AUTS2: variants seen among roughly 807,000 people sequenced by gnomAD.
The protein encoded by AUTS2 is activator of transcription and developmental regulator AUTS2, also known as autism susceptibility gene 2 protein.
AUTS2 carries 17 observed loss-of-function variants against 112.4 expected under a neutral mutation model. The observed-to-expected ratio is 0.15, with a 90% CI of 0.10 to 0.23. AUTS2 has a LOEUF of 0.23. Ranked by LOEUF, AUTS2 falls within the 10% of genes least tolerant of loss-of-function variation. AUTS2 has a pLI of 1.00. For missense variants in AUTS2, 1,510 were observed against 1,701.6 expected, an observed-to-expected ratio of 0.89 and a Z score of 1.98; for synonymous variants, 751 against 702.7, an observed-to-expected ratio of 1.07 and a Z score of -1.09.
intron 1 of AUTS2, among the ~76,000 whole-genome samples, chr7:69,789,321 G>A (rs1390786314): frequency 1.3e-5 from 2 of 152,208 alleles, no homozygotes; most frequent in East Asian, 3.8e-4. Context: ...ATCTCTGATG[G>A]TGAGCCCCAA....
intron 2 of AUTS2, among the ~76,000 whole-genome samples, chr7:69,969,963 G>A (rs1377047609): frequency 6.6e-6 from 1 of 152,076 alleles, no homozygotes; most frequent in African/African-American, 2.4e-5. Context: ...ATTAAGAATG[G>A]CAAGTAACGC....
chr7:70,171,927 CCTT>C (rs1024406575), intron 4 of AUTS2, among the ~76,000 whole-genome samples: 20 of 151,606 alleles, frequency 1.3e-4, no homozygotes, highest in South Asian at 6.3e-4. Context: ...GTTTTTCCCT[CCTT>C]CTTTTCTTGG....
At chr7:69,920,236 T>G (rs1795754145) in intron 2 of AUTS2, among the ~76,000 whole-genome samples, 1 of 152,094 alleles carries the variant, frequency 6.6e-6, no homozygotes, top group South Asian at 2.1e-4. Context: ...TGTTCCTAGA[T>G]GTATTCATTT....
chr7:70,439,710 G>A (rs1180799169), intron 5 of AUTS2, among the ~76,000 whole-genome samples: 3 of 152,066 alleles, frequency 2.0e-5, no homozygotes, highest in African/African-American at 2.4e-5. Flanking sequence ...TCCCCCATTC[G>A]AAATGAATTG....
At chr7:70,252,161 TG>T (rs1786633069) in intron 4 of AUTS2, among the ~76,000 whole-genome samples, 1 of 152,208 alleles carries the variant, frequency 6.6e-6, no homozygotes, top group African/African-American at 2.4e-5. Flanking sequence ...GTAAGACTAC[TG>T]GATGATAATG....
intron 15 of AUTS2, chr7:70,784,266 T>C (rs1238064297): frequency 6.6e-6 from 1 of 152,166 alleles, no homozygotes; most frequent in Admixed American, 6.6e-5. Context: ...TATCCTTCGA[T>C]GTGGGTGCAT....
intron 4 of AUTS2, among the ~76,000 whole-genome samples, chr7:70,236,120 C>G (rs1812314771): frequency 6.6e-6 from 1 of 152,320 alleles, no homozygotes; most frequent in Middle Eastern, 3.4e-3. Context: ...ATACTCACCA[C>G]TTTCTCCCCA....
chr7:70,235,131 A>G (rs1812253287), intron 4 of AUTS2, among the ~76,000 whole-genome samples: 1 of 152,112 alleles, frequency 6.6e-6, no homozygotes. Flanking sequence ...TGAAGCTATT[A>G]TTTTTATAAT....
At chr7:70,612,587 G>C (rs1415569938) in intron 5 of AUTS2, among the ~76,000 whole-genome samples, 1 of 151,950 alleles carries the variant, frequency 6.6e-6, no homozygotes, top group Non-Finnish European at 1.5e-5. Flanking sequence ...AGGTCACAGT[G>C]GCCTGGGTGG....
intron 1 of AUTS2, among the ~76,000 whole-genome samples, chr7:69,667,350 GTTTT>G (rs58991076): frequency 3.7e-5 from 5 of 134,420 alleles, no homozygotes; most frequent in African/African-American, 1.2e-4. Context: ...GTTTTGTTGT[GTTTT>G]TTTTTTTTTT....
At chr7:70,315,811 C>G (rs1316795121) in intron 4 of AUTS2, among the ~76,000 whole-genome samples, 2 of 152,110 alleles carry the variant, frequency 1.3e-5, no homozygotes, top group African/African-American at 4.8e-5. Flanking sequence ...TTCTTAATAC[C>G]ACCATCTTGG....
chr7:70,397,890 A>T (rs1253814551), intron 4 of AUTS2, among the ~76,000 whole-genome samples: 1 of 152,184 alleles, frequency 6.6e-6, no homozygotes, highest in African/African-American at 2.4e-5. Flanking sequence ...TTTAGTGTTT[A>T]AATTTCAGTC....
At chr7:70,324,095 G>C (rs1350149355) in intron 4 of AUTS2, among the ~76,000 whole-genome samples, 1 of 152,164 alleles carries the variant, frequency 6.6e-6, no homozygotes, top group African/African-American at 2.4e-5. Flanking sequence ...TGGGAACCAA[G>C]GGGAGAACCT....
chr7:69,996,109 T>A (rs1441846281), intron 2 of AUTS2, among the ~76,000 whole-genome samples: 1 of 152,220 alleles, frequency 6.6e-6, no homozygotes, highest in Non-Finnish European at 1.5e-5. Flanking sequence ...CCCTCCATGA[T>A]GGTTTCTGAT....
At chr7:70,147,872 C>G (rs899314075) in intron 4 of AUTS2, among the ~76,000 whole-genome samples, 1 of 152,078 alleles carries the variant, frequency 6.6e-6, no homozygotes, top group Non-Finnish European at 1.5e-5. Context: ...ACTCAGCCCA[C>G]TGGTCTTTCT....
intron 4 of AUTS2, among the ~76,000 whole-genome samples, chr7:70,148,137 T>G (rs1424539120): frequency 2.0e-5 from 3 of 152,086 alleles, no homozygotes; most frequent in Non-Finnish European, 4.4e-5. Context: ...GACAAGATCT[T>G]CAAGATTTTT....
chr7:70,018,743 C>T (rs1800142039), intron 2 of AUTS2, among the ~76,000 whole-genome samples: 1 of 152,112 alleles, frequency 6.6e-6, no homozygotes, highest in African/African-American at 2.4e-5. Flanking sequence ...TATCTTAAAA[C>T]TTACTTTACA....
chr7:69,834,315 A>C (rs1412665262), intron 1 of AUTS2, among the ~76,000 whole-genome samples: 2 of 152,188 alleles, frequency 1.3e-5, no homozygotes, highest in African/African-American at 4.8e-5. Flanking sequence ...GAGCCTAGCC[A>C]GTTTCATCTC....
chr7:70,748,962 A>G, intron 6 of AUTS2, among the ~76,000 whole-genome samples: 1 of 152,134 alleles, frequency 6.6e-6, no homozygotes, highest in Non-Finnish European at 1.5e-5. Flanking sequence ...TCACAGTTGT[A>G]CTTGGGGCAA....
Sources: gnomAD v4.1 joint callset for allele counts (sites outside exome capture counted in the v4.1 genomes callset) on GRCh38, gnomAD v4.1.1 for gene constraint, MANE v1.5 for transcripts, NCBI Gene and HGNC (gene_info 2026-07-23, HGNC 2026-07-21) for gene names.